Variants in HIP1 observed in about 807,000 individuals in gnomAD.
The protein encoded by HIP1 is huntingtin-interacting protein 1.
Under a neutral mutation model 147.6 loss-of-function variants are expected in HIP1, and 65 were observed. The ratio of observed to expected loss-of-function variants is 0.44; its 90% CI spans 0.36 to 0.54. The LOEUF (loss-of-function observed/expected upper bound fraction) is 0.54, where lower values mean the gene tolerates loss of function less well. Among genes scored for constraint, HIP1 ranks in the 20% least tolerant of loss-of-function variants. The probability of loss-of-function intolerance (pLI) is 0.00; values close to 1 mark genes in which losing one functional copy is unlikely to be tolerated. For synonymous variants in HIP1, 479 were observed against 504.0 expected (o/e 0.95, Z 0.67); for missense variants, 1,061 against 1,299.6 (o/e 0.82, Z 2.82).
In HIP1 at chr7:75,553,607, T is replaced by C. The variant is rs782000848; in HGVS notation, c.2159-18A>G. The C allele has an allele frequency of 2.3e-5, 37 of 1,608,576 alleles. No individual in the cohort carries two copies. The East Asian group carries it at 5.8e-4, about 25-fold the overall frequency. On this transcript the variant is annotated intron_variant, in intron 21 of 30. Transcript: ENST00000336926. Reference sequence around the variant, plus strand: ...GGTCAGTGCTGGAGATACAAGGCAATAGACACTTTTTTTTTGAGATGGAGT... The same window carrying C: ...GGTCAGTGCTGGAGATACAAGGCAACAGACACTTTTTTTTTGAGATGGAGT...
At chr7:75,730,432 C>T (rs557792330) in intron 1 of HIP1, among the ~76,000 whole-genome samples, 25 of 151,666 alleles carry the variant, frequency 1.6e-4, no homozygotes, top group African/African-American at 5.8e-4. Context: ...CTCTGCCTCC[C>T]GAGTTCAAGT....
At chr7:75,558,838 G>A (rs1795116021) in intron 14 of HIP1, among the ~76,000 whole-genome samples, 1 of 152,090 alleles carries the variant, frequency 6.6e-6, no homozygotes, top group Non-Finnish European at 1.5e-5. Context: ...GACCAACATG[G>A]TGAAACCCCA....
intron 1 of HIP1, among the ~76,000 whole-genome samples, chr7:75,666,904 A>G (rs1213285614): frequency 2.6e-5 from 4 of 152,296 alleles, no homozygotes; most frequent in Admixed American, 6.5e-5. Context: ...CCATTTCACA[A>G]AATCATACTA....
chr7:75,667,780 T>C (rs1799607840), intron 1 of HIP1, among the ~76,000 whole-genome samples: 4 of 152,216 alleles, frequency 2.6e-5, no homozygotes, highest in Non-Finnish European at 5.9e-5. Flanking sequence ...CATGAGCCAC[T>C]GCACCCGGCA....
chr7:75,677,418 A>G (rs914274100), intron 1 of HIP1, among the ~76,000 whole-genome samples: 1 of 150,514 alleles, frequency 6.6e-6, no homozygotes, highest in Non-Finnish European at 1.5e-5. Flanking sequence ...CCACCTGGCC[A>G]ACATGGTGAA....
At chr7:75,614,574 G>A (rs985750911) in intron 1 of HIP1, among the ~76,000 whole-genome samples, 1 of 152,070 alleles carries the variant, frequency 6.6e-6, no homozygotes, top group Non-Finnish European at 1.5e-5. Flanking sequence ...AGAGGGGTGG[G>A]GAGTGATTGC....
chr7:75,556,834 G>A lies in HIP1; in HGVS notation c.1582-23C>T, dbSNP rs370397509. On this transcript the variant is annotated intron_variant, in intron 16 of 30. Coordinates refer to ENST00000336926, the MANE Select transcript of HIP1 (RefSeq NM_005338.7). ...AGTCTGAAAGAGAAGAAAAACAGAG[G>A]GACTCTGATCTGGGTGACAGTGACA... 6.9e-5 allele frequency: 97 copies of A among 1,414,042 alleles called. No homozygotes were observed. The African/African-American group carries it at 1.1e-3, about 16-fold the overall frequency. The allele number at this position is 1,414,042 out of a possible 1,614,324, so 87.6% of individuals were successfully genotyped here. A position where few individuals can be genotyped will look rare whatever the true frequency, so the allele number is the denominator to read the frequency against.
rs147968996 is a variant in HIP1 at position 75,638,079 on chromosome 7, C to G, written c.121-38832G>C. Among the ~76,000 whole-genome samples, 1,397 of 150,402 alleles carry G rather than the reference C, an allele frequency of 9.3e-3. 25 individuals carry two copies. The highest frequency in any genetic ancestry group is 0.033 in the African/African-American group (1,336 of 40,584). ...CTCGAAAGCCCTGATTGCCTCCCCC[C>G]TCCCAAGACCCGCCTGACACACAGG... On this transcript the variant is annotated intron_variant, in intron 1 of 30. Transcript: ENST00000336926.
chr7:75,625,545 G>A (rs1050409888), intron 1 of HIP1: 3 of 152,268 alleles, frequency 2.0e-5, no homozygotes, highest in Non-Finnish European at 4.4e-5. Flanking sequence ...GGGCATTCAG[G>A]TAGAGATGAC....
chr7:75,693,276 C>T (rs1377117838), intron 1 of HIP1, among the ~76,000 whole-genome samples: 2 of 151,898 alleles, frequency 1.3e-5, no homozygotes, highest in Non-Finnish European at 1.5e-5. Flanking sequence ...CTTGGAGTAA[C>T]TCCTTTGTTG....
chr7:75,561,786 G>A (rs1554494590), intron 12 of HIP1, among the ~76,000 whole-genome samples: 1 of 152,080 alleles, frequency 6.6e-6, no homozygotes, highest in Non-Finnish European at 1.5e-5. Flanking sequence ...GGGACTACAG[G>A]TGTGTACCAC....
In HIP1 at chr7:75,701,485, G is replaced by C. The variant is rs868906815; in HGVS notation, c.120+37316C>G. ...GCACTTTGGGAGGCTGAGGCAGGAG[G>C]ATCACTTGAAGCCAGGAGTTCAAAA... On this transcript the variant is annotated intron_variant, in intron 1 of 30. Coordinates refer to ENST00000336926, the MANE Select transcript of HIP1 (RefSeq NM_005338.7). Among the ~76,000 whole-genome samples, 17 of 152,230 alleles carry C rather than the reference G, an allele frequency of 1.1e-4. No individual in the cohort carries two copies. In the South Asian group the frequency reaches 3.5e-3, roughly 32 times the overall value.
intron 1 of HIP1, among the ~76,000 whole-genome samples, chr7:75,698,386 G>A (rs1378716921): frequency 6.6e-6 from 1 of 152,142 alleles, no homozygotes; most frequent in African/African-American, 2.4e-5. Context: ...TAGGCCAATT[G>A]TCACAGTGGT....
chr7:75,709,801 T>C (rs1442203338), intron 1 of HIP1, among the ~76,000 whole-genome samples: 2 of 152,244 alleles, frequency 1.3e-5, no homozygotes, highest in African/African-American at 4.8e-5. Flanking sequence ...CCATTGAATG[T>C]GACGTCTGCT....
At chr7:75,538,534 C>T (rs1794171726) in intron 30 of HIP1, among the ~76,000 whole-genome samples, 1 of 145,802 alleles carries the variant, frequency 6.9e-6, no homozygotes, top group Non-Finnish European at 1.5e-5. Flanking sequence ...CTGAATGTGA[C>T]TCCATGCCAC....
At chr7:75,703,578 GACA>G (rs1170854741) in intron 1 of HIP1, among the ~76,000 whole-genome samples, 5 of 150,130 alleles carry the variant, frequency 3.3e-5, no homozygotes, top group African/African-American at 9.8e-5. Context: ...GGGAGGCGGA[GACA>G]ACAAGAGCGA....
intron 7 of HIP1, among the ~76,000 whole-genome samples, chr7:75,578,791 T>A (rs782198230): frequency 1.3e-5 from 2 of 152,168 alleles, no homozygotes; most frequent in Non-Finnish European, 2.9e-5. Flanking sequence ...AATGTATACT[T>A]GTTTATATAC....
chr7:75,725,563 A>C (rs1272649971), intron 1 of HIP1, among the ~76,000 whole-genome samples: 1 of 152,080 alleles, frequency 6.6e-6, no homozygotes, highest in Admixed American at 6.6e-5. Flanking sequence ...TTTACTATCT[A>C]AGCAAGCAAA....
chr7:75,573,699 C>T (rs1359157613), intron 8 of HIP1, 62 bp downstream of exon 8: 20 of 1,541,372 alleles, frequency 1.3e-5, no homozygotes, highest in Non-Finnish European at 1.7e-5. Flanking sequence ...GGGACATCCT[C>T]AGGCTGGGAT....
Sources: allele counts gnomAD v4.1 joint callset (sites outside exome capture counted in the v4.1 genomes callset), GRCh38; gene constraint gnomAD v4.1.1; transcripts MANE v1.5; gene names NCBI Gene and HGNC (gene_info 2026-07-23, HGNC 2026-07-21).